RASAL2: variants seen among roughly 807,000 people sequenced by gnomAD.
The protein encoded by RASAL2 is ras GTPase-activating protein nGAP.
A neutral mutation model predicts 128.9 loss-of-function variants in RASAL2; 58 were observed. That is an observed-to-expected ratio of 0.45 (90% CI 0.36 to 0.56). RASAL2 has a LOEUF of 0.56. Among genes scored for constraint, RASAL2 ranks in the 20% least tolerant of loss-of-function variants. The probability of loss-of-function intolerance (pLI) is 0.00; values close to 1 mark genes in which losing one functional copy is unlikely to be tolerated. For missense variants in RASAL2, 1,360 were observed against 1,601.6 expected (o/e 0.85, Z 2.57); for synonymous variants, 561 against 580.8 (o/e 0.97, Z 0.49).
chr1:178,290,990 AT>A (rs1667258182), intron 2 of RASAL2, among the ~76,000 whole-genome samples: 1 of 148,616 alleles, frequency 6.7e-6, no homozygotes, highest in East Asian at 2.0e-4. Context: ...TTAGTTTTTA[AT>A]TGTAATATAA....
At chr1:178,192,810 G>A (rs969404812) in intron 1 of RASAL2, among the ~76,000 whole-genome samples, 1 of 152,096 alleles carries the variant, frequency 6.6e-6, no homozygotes, top group Non-Finnish European at 1.5e-5. Flanking sequence ...TTTGCATTCT[G>A]TCTCCAAGGC....
chr1:178,241,729 A>T (rs1270621074), intron 1 of RASAL2, among the ~76,000 whole-genome samples: 2 of 152,226 alleles, frequency 1.3e-5, no homozygotes, highest in African/African-American at 4.8e-5. Context: ...ACTTATCAGT[A>T]TATTATCTTG....
At chr1:178,111,876 C>T (rs1402790012) in intron 1 of RASAL2, among the ~76,000 whole-genome samples, 4 of 152,040 alleles carry the variant, frequency 2.6e-5, no homozygotes, top group Non-Finnish European at 4.4e-5. Context: ...ATTACAGGCA[C>T]CTGCCATCAT....
At chr1:178,291,062 A>G (rs1332042190) in intron 2 of RASAL2, among the ~76,000 whole-genome samples, 3 of 152,154 alleles carry the variant, frequency 2.0e-5, no homozygotes, top group Admixed American at 2.0e-4. Context: ...GGAGAATGCC[A>G]AAAAAGTGTT....
chr1:178,290,714 C>T (rs1289292856), intron 2 of RASAL2, among the ~76,000 whole-genome samples: 1 of 152,034 alleles, frequency 6.6e-6, no homozygotes, highest in African/African-American at 2.4e-5. Flanking sequence ...CTTGCTATGT[C>T]ACCCAGGCTG....
chr1:178,391,772 C>G (rs1355534762), intron 4 of RASAL2, among the ~76,000 whole-genome samples: 1 of 152,158 alleles, frequency 6.6e-6, no homozygotes, highest in African/African-American at 2.4e-5. Flanking sequence ...AGATATTTAA[C>G]TTAGAGTTGT....
intron 1 of RASAL2, among the ~76,000 whole-genome samples, chr1:178,241,433 G>T (rs1664493968): frequency 6.6e-6 from 1 of 152,138 alleles, no homozygotes; most frequent in African/African-American, 2.4e-5. Flanking sequence ...TGTGTGAGGA[G>T]AAATACTTTA....
At chr1:178,326,277 G>T (rs1669036434) in intron 3 of RASAL2, among the ~76,000 whole-genome samples, 1 of 152,130 alleles carries the variant, frequency 6.6e-6, no homozygotes, top group Non-Finnish European at 1.5e-5. Context: ...TATGGTATCA[G>T]TTCCCATCAG....
At chr1:178,306,685 G>A (rs1235493722) in intron 3 of RASAL2, among the ~76,000 whole-genome samples, 6 of 152,106 alleles carry the variant, frequency 3.9e-5, no homozygotes, top group African/African-American at 1.2e-4. Context: ...TTTTGGCTGC[G>A]TAAGTGTCTT....
intron 1 of RASAL2, among the ~76,000 whole-genome samples, chr1:178,250,406 A>G (rs899715299): frequency 7.9e-5 from 12 of 152,212 alleles, no homozygotes; most frequent in Non-Finnish European, 1.6e-4. Context: ...AGCCTCAGCA[A>G]TGGCGGACGC....
intron 3 of RASAL2, among the ~76,000 whole-genome samples, chr1:178,361,932 C>T (rs1671131201): frequency 6.6e-6 from 1 of 152,000 alleles, no homozygotes. Context: ...AACACGCAAC[C>T]TAGATCCCTT....
intron 1 of RASAL2, among the ~76,000 whole-genome samples, chr1:178,139,345 A>G (rs984152844): frequency 6.6e-6 from 1 of 152,066 alleles, no homozygotes; most frequent in Non-Finnish European, 1.5e-5. Flanking sequence ...TTTTCAGATG[A>G]TCTACACTAA....
At chr1:178,322,175 G>A (rs931002403) in intron 3 of RASAL2, among the ~76,000 whole-genome samples, 5 of 151,858 alleles carry the variant, frequency 3.3e-5, no homozygotes, top group African/African-American at 4.8e-5. Context: ...AACTCTCTTC[G>A]TGGTTTTTAA....
At position 178,478,372 on chromosome 1, in the gene RASAL2, A is replaced by G. The variant is rs957148106; in HGVS notation, c.*5133A>G. 90 of 152,238 alleles carry G rather than the reference A, an allele frequency of 5.9e-4. No individual in the cohort carries two copies. The highest frequency in any genetic ancestry group is 2.1e-3 in the African/African-American group (87 of 41,466). 9.4% of individuals were successfully genotyped at this position (152,238 alleles called of 1,614,324 possible). A position where few individuals can be genotyped will look rare whatever the true frequency, so the allele number is the denominator to read the frequency against. On this transcript the variant is annotated 3_prime_UTR_variant, in exon 18 of 18. Transcript: ENST00000367649. ...ATTGACTCAATGACCACCTTCAGGA[A>G]AGTTAAATAGTAAATTAGGTTAAAT...
chr1:178,159,904 AAAAC>A (rs890728705), intron 1 of RASAL2, among the ~76,000 whole-genome samples: 20 of 152,212 alleles, frequency 1.3e-4, no homozygotes, highest in South Asian at 6.2e-4. Flanking sequence ...GACTCTGTCT[AAAAC>A]AAACAAACAA....
rs562943678 is a variant in RASAL2 at position 178,290,777 on chromosome 1, G to A, written c.330+7086G>A. 3.8e-3 allele frequency among the ~76,000 whole-genome samples: 571 copies of A among 152,110 alleles called. 2 individuals are homozygous for A. Among genetic ancestry groups the A allele is most frequent in the Non-Finnish European group, 6.4e-3 (438 of 67,982 alleles). The stretch of plus-strand genomic sequence containing the variant: ...TGCAAGCTCCGCCTCCTGGGTTCAC[G>A]CCATTCTCCTGCCTCAGCCTCCCAA... On this transcript the variant is annotated intron_variant, in intron 2 of 17. Transcript: ENST00000367649.
At chr1:178,441,031 G>A (rs968492359) in intron 6 of RASAL2, among the ~76,000 whole-genome samples, 1 of 152,056 alleles carries the variant, frequency 6.6e-6, no homozygotes, top group African/African-American at 2.4e-5. Flanking sequence ...TGATTTTTCT[G>A]AACCATAGGC....
chr1:178,426,887 A>G (rs568307694), intron 5 of RASAL2, among the ~76,000 whole-genome samples: 43 of 152,158 alleles, frequency 2.8e-4, no homozygotes, highest in Non-Finnish European at 3.4e-4. Flanking sequence ...GAGTTTTGCT[A>G]TGGATGGATT....
At chr1:178,129,477 A>G (rs1326957081) in intron 1 of RASAL2, among the ~76,000 whole-genome samples, 2 of 152,078 alleles carry the variant, frequency 1.3e-5, no homozygotes, top group Non-Finnish European at 2.9e-5. Context: ...AATTCTTTAT[A>G]TATTCTGAAT....
Sources: gnomAD v4.1 joint callset for allele counts (sites outside exome capture counted in the v4.1 genomes callset) on GRCh38, gnomAD v4.1.1 for gene constraint, MANE v1.5 for transcripts, NCBI Gene and HGNC (gene_info 2026-07-23, HGNC 2026-07-21) for gene names.